MGST1: variants seen among roughly 807,000 people sequenced by gnomAD.
The protein encoded by MGST1 is microsomal glutathione S-transferase 1.
In MGST1, 5 loss-of-function variants were observed where a neutral mutation model predicts 8.9. The observed-to-expected ratio is 0.56, with a 90% CI of 0.29 to 1.19. The LOEUF (loss-of-function observed/expected upper bound fraction) is 1.19, where lower values mean the gene tolerates loss of function less well. MGST1 is among the 50% of genes most tolerant of loss of function. The probability of loss-of-function intolerance (pLI) is 0.08; values close to 1 mark genes in which losing one functional copy is unlikely to be tolerated. For synonymous variants in MGST1, 54 were observed against 67.8 expected (o/e 0.80, Z 1.00); for missense variants, 182 against 187.4 (o/e 0.97, Z 0.17).
exon 4 of MGST1, chr12:16,376,729 T>A (rs572907280): frequency 2.0e-5 from 3 of 152,224 alleles, no homozygotes; most frequent in Non-Finnish European, 2.9e-5. Context: ...TAATGAAATA[T>A]GTTAAATATT....
chr12:16,464,650 T>C (rs1190326237), intron 4 of MGST1, among the ~76,000 whole-genome samples: 1 of 152,204 alleles, frequency 6.6e-6, no homozygotes, highest in African/African-American at 2.4e-5. Context: ...CTGTAACCAA[T>C]AACATCACAA....
In MGST1 at chr12:16,566,026, ATATATATATATAT is replaced by A. The variant is rs1565488351; in HGVS notation, n.483-23501_483-23489del. 7.8e-5 allele frequency among the ~76,000 whole-genome samples: 7 copies of A among 89,928 alleles called. 1 individual carries two copies. The highest frequency in any genetic ancestry group is 1.6e-4 in the Non-Finnish European group (7 of 45,010). The allele number at this position is 89,928 out of a possible 152,430, so 59.0% of individuals were successfully genotyped here. ...TATATATATATATATATATATATAT[ATATATATATATAT>A]AAAATGGAGTACTATTCAGCCATAA... On this transcript the variant is annotated intron_variant and non_coding_transcript_variant, in intron 4 of 4. Transcript: ENST00000538857.
chr12:16,358,779 CTTTTTTTTTTTTTTTTTT>C (rs35081887), intron 3 of MGST1, among the ~76,000 whole-genome samples: 1 of 57,576 alleles, frequency 1.7e-5, no homozygotes, highest in Admixed American at 2.6e-4. Context: ...AAATTCATTC[CTTTTTTTTTTTTTTTTTT>C]TTTTTTTTTT....
intron 4 of MGST1, among the ~76,000 whole-genome samples, chr12:16,474,239 T>C (rs1052480849): frequency 1.3e-5 from 2 of 152,168 alleles, no homozygotes; most frequent in Non-Finnish European, 2.9e-5. Context: ...CCATACCCAA[T>C]AGCAAGAAGG....
At chr12:16,486,028 T>C (rs961818320) in intron 4 of MGST1, among the ~76,000 whole-genome samples, 1 of 152,228 alleles carries the variant, frequency 6.6e-6, no homozygotes, top group Non-Finnish European at 1.5e-5. Flanking sequence ...CAGATGCTGA[T>C]GTATCTGCTT....
chr12:16,488,874 T>G (rs1217185290), intron 4 of MGST1, among the ~76,000 whole-genome samples: 2 of 152,060 alleles, frequency 1.3e-5, no homozygotes, highest in African/African-American at 4.8e-5. Flanking sequence ...TCCAAGAGGC[T>G]GAGGCAGCAG....
intron 2 of MGST1, among the ~76,000 whole-genome samples, chr12:16,355,204 C>CTT (rs5796668): frequency 6.0e-4 from 75 of 125,182 alleles, no homozygotes; most frequent in Non-Finnish European, 6.6e-4. Context: ...TTCCTTGTTA[C>CTT]TTTTTTTTTT....
At chr12:16,508,230 C>A (rs906553132) in intron 4 of MGST1, among the ~76,000 whole-genome samples, 2 of 152,108 alleles carry the variant, frequency 1.3e-5, no homozygotes, top group African/African-American at 4.8e-5. Context: ...ATGAATGAAT[C>A]AATGAATACA....
downstream of MGST1, among the ~76,000 whole-genome samples, chr12:16,378,657 A>C (rs11056909): frequency 0.54 from 71,110 of 132,570 alleles, 17,596 homozygotes; most frequent in East Asian, 0.87. Flanking sequence ...TATGAACTTT[A>C]AAGTAGTTTT....
rs775403783 is a variant in MGST1 at position 16,476,990 on chromosome 12, A to G, written n.482+93386A>G. Among the ~76,000 whole-genome samples, 9 of 152,332 alleles carry G rather than the reference A, an allele frequency of 5.9e-5. No individual in the cohort carries two copies. The East Asian group carries it at 1.7e-3, about 29-fold the overall frequency. Reference sequence around the variant, plus strand: ...CTATCATCTTTTAACTCTCCTATTCATAGAAATGAGGATGAGAATATATAT... The same window carrying G: ...CTATCATCTTTTAACTCTCCTATTCGTAGAAATGAGGATGAGAATATATAT... On this transcript the variant is annotated intron_variant and non_coding_transcript_variant, in intron 4 of 4. Coordinates refer to the MGST1 transcript ENST00000538857.
rs188532713 is a variant in MGST1 at position 16,373,470 on chromosome 12, A to T, written c.222-2652A>T. Among the ~76,000 whole-genome samples the T allele has an allele frequency of 9.8e-4, 149 of 152,186 alleles. 2 individuals carry two copies. Among genetic ancestry groups the T allele is most frequent in the Admixed American group, 9.8e-3 (149 of 15,260 alleles). On this transcript the variant is annotated intron_variant, in intron 3 of 3. Coordinates refer to the MGST1 transcript ENST00000535309. ...GGTGATGAATACCCCAATTAACTTG[A>T]TTAGATTATAATATGATTGTATCAA...
At chr12:16,394,160 CT>C (rs1346446348) in intron 1 of MGST1, among the ~76,000 whole-genome samples, 1 of 152,202 alleles carries the variant, frequency 6.6e-6, no homozygotes, top group Non-Finnish European at 1.5e-5. Flanking sequence ...TGCTCCGTAT[CT>C]TTATCAACAC....
In MGST1 at chr12:16,546,417, C is replaced by A. The variant is rs1251924561; in HGVS notation, n.483-43111C>A. Among the ~76,000 whole-genome samples, 2 of 152,022 alleles carry A rather than the reference C, an allele frequency of 1.3e-5. No individual in the cohort carries two copies. Among genetic ancestry groups the A allele is most frequent in the African/African-American group, 4.8e-5 (2 of 41,400 alleles). On this transcript the variant is annotated intron_variant and non_coding_transcript_variant, in intron 4 of 4. Coordinates refer to the MGST1 transcript ENST00000538857. The surrounding 1 kb of genome is among the most constrained non-coding windows in gnomAD (Gnocchi z 4.7). ...TATTCAGCTTCTGAGTCCAGAATAC[C>A]AATTGTGTAAAAAGTGCAGAGAATT...
chr12:16,390,698 T>C (rs941767275), intron 1 of MGST1, among the ~76,000 whole-genome samples: 5 of 152,370 alleles, frequency 3.3e-5, no homozygotes, highest in Admixed American at 2.6e-4. Context: ...ATTTTCTTTA[T>C]CCAGTCTGTC....
chr12:16,532,479 G>T (rs1438116770), intron 4 of MGST1, among the ~76,000 whole-genome samples: 1 of 152,150 alleles, frequency 6.6e-6, no homozygotes, highest in Non-Finnish European at 1.5e-5. Flanking sequence ...AAGCTATAGG[G>T]TTTAATTTTA....
intron 4 of MGST1, among the ~76,000 whole-genome samples, chr12:16,476,778 A>C (rs896444943): frequency 6.6e-6 from 1 of 152,184 alleles, no homozygotes; most frequent in Admixed American, 6.5e-5. Context: ...AAAAGGATCC[A>C]GTCTTTGAAA....
chr12:16,482,352 G>A lies in MGST1; in HGVS notation n.482+98748G>A, dbSNP rs1941369659. Among the ~76,000 whole-genome samples the A allele has an allele frequency of 6.6e-6, 1 of 152,188 alleles. No homozygotes were observed. Among genetic ancestry groups the A allele is most frequent in the Non-Finnish European group, 1.5e-5 (1 of 68,026 alleles). On this transcript the variant is annotated intron_variant and non_coding_transcript_variant, in intron 4 of 4. Coordinates refer to the MGST1 transcript ENST00000538857. The surrounding 1 kb of genome is among the most constrained non-coding windows in gnomAD (Gnocchi z 4.2). ...CTGAAGTATAAAAAAAAGAGCAAGG[G>A]CCGGGTGCAGTGGCTCACGCCTGTA...
rs993698753 is a variant in MGST1 at position 16,497,878 on chromosome 12, C to T, written n.483-91650C>T. 6.6e-6 allele frequency among the ~76,000 whole-genome samples: 1 copy of T among 152,144 alleles called. No homozygotes were observed. Among genetic ancestry groups the T allele is most frequent in the Non-Finnish European group, 1.5e-5 (1 of 68,028 alleles). Reference sequence around the variant, plus strand: ...CCCCCAGAAATTCCGGAGTAGGGCTCAGGAATCTGCATTTCTACCAGTTCT... The same window carrying T: ...CCCCCAGAAATTCCGGAGTAGGGCTTAGGAATCTGCATTTCTACCAGTTCT... On this transcript the variant is annotated intron_variant and non_coding_transcript_variant, in intron 4 of 4. Coordinates refer to the MGST1 transcript ENST00000538857. The surrounding 1 kb of genome is among the most constrained non-coding windows in gnomAD (Gnocchi z 4.4).
intron 4 of MGST1, among the ~76,000 whole-genome samples, chr12:16,581,385 TC>T (rs1269847757): frequency 1.3e-5 from 2 of 152,132 alleles, no homozygotes; most frequent in Non-Finnish European, 2.9e-5. Flanking sequence ...ATACTGTAGT[TC>T]CCAAGGGCTA....
Sources: gnomAD v4.1 joint callset for allele counts (sites outside exome capture counted in the v4.1 genomes callset) on GRCh38, gnomAD v4.1.1 for gene constraint, Gnocchi (gnomAD v3.1) non-coding constraint, MANE v1.5 for transcripts, NCBI Gene and HGNC (gene_info 2026-07-23, HGNC 2026-07-21) for gene names.